The following CCDC158 variants were observed in gnomAD, a reference collection of about 807,000 sequenced individuals.
CCDC158 encodes coiled-coil domain-containing protein 158.
Under a neutral mutation model 138.6 loss-of-function variants are expected in CCDC158, and 116 were observed. The observed-to-expected ratio is 0.84, with a 90% CI of 0.72 to 0.98. The LOEUF (loss-of-function observed/expected upper bound fraction) is 0.98, where lower values mean the gene tolerates loss of function less well. Ranked by LOEUF, CCDC158 falls within the 50% of genes least tolerant of loss-of-function variation. The pLI, the probability that CCDC158 is intolerant of heterozygous loss-of-function variation, is 0.00. For missense variants in CCDC158, 1,265 were observed against 1,306.1 expected (o/e 0.97, Z 0.48); for synonymous variants, 436 against 442.4 (o/e 0.99, Z 0.18).
chr4:76,320,300 A>T (rs367705522), intron 24 of CCDC158, among the ~76,000 whole-genome samples: 4 of 152,346 alleles, frequency 2.6e-5, no homozygotes, highest in African/African-American at 9.6e-5. Flanking sequence ...GACAACACAC[A>T]CAAATGGAAA....
chr4:76,401,650 G>T (rs1200072232), intron 3 of CCDC158: 1 of 164,664 alleles, frequency 6.1e-6, no homozygotes, highest in African/African-American at 2.4e-5. Context: ...TTGAATTTCA[G>T]AAGTCTATCA....
rs374157248 is a variant in CCDC158, at chr4:76,334,085, T to C, written c.2747A>G (p.Asn916Ser). The C allele has an allele frequency of 4.3e-6, 7 of 1,613,998 alleles. No homozygotes were observed. The highest frequency in any genetic ancestry group is 2.2e-5 in the East Asian group (1 of 44,876). The change falls in exon 19 of 25, where the codon AAT becomes AGT. Residue 916 changes from asparagine to serine, a missense_variant. Asn to Ser is a conservative substitution (Grantham distance 46). Transcript: ENST00000682701. ...QLLQELRSVI[N>S]EEPAVSLSKT... Reference sequence around the variant, plus strand: ...GCTCAGAGACACAGCTGGCTCCTCATTGATCACGCTTCTCAACTCTTGGAG... The same window carrying C: ...GCTCAGAGACACAGCTGGCTCCTCACTGATCACGCTTCTCAACTCTTGGAG...
chr4:76,376,772 A>G (rs1008795092), intron 9 of CCDC158, among the ~76,000 whole-genome samples: 4 of 152,176 alleles, frequency 2.6e-5, no homozygotes, highest in Admixed American at 1.3e-4. Context: ...CTGTTAAGAC[A>G]GTCTAGTTAA....
rs1727816489 is a variant in CCDC158, at chr4:76,396,492, T to G, written c.71-6A>C. The G allele has an allele frequency of 6.3e-7, 1 of 1,584,702 alleles. No homozygotes were observed. The highest frequency in any genetic ancestry group is 2.2e-5 in the East Asian group (1 of 44,706). On this transcript the variant is annotated splice_region_variant and splice_polypyrimidine_tract_variant and intron_variant, in intron 3 of 24. Coordinates refer to ENST00000682701, the MANE Select transcript of CCDC158 (RefSeq NM_001394954.1). ...AAAAAATGAACTTGAAGAACCTAAA[T>G]ATTAAAGAATTCATTAATTAACTTT... is the stretch of plus-strand genomic sequence containing the variant.
At chr4:76,383,263 A>C (rs1024215030) in intron 7 of CCDC158, among the ~76,000 whole-genome samples, 1 of 152,160 alleles carries the variant, frequency 6.6e-6, no homozygotes, top group Admixed American at 6.5e-5. Flanking sequence ...TATCTGATCA[A>C]GTTCTTCATC....
intron 9 of CCDC158, among the ~76,000 whole-genome samples, chr4:76,377,221 A>G (rs1725801326): frequency 1.3e-5 from 2 of 152,244 alleles, no homozygotes; most frequent in South Asian, 4.1e-4. Context: ...TAATTTTTCC[A>G]AACAACAGTA....
chr4:76,351,646 T>C, intron 17 of CCDC158, 74 bp downstream of exon 17: 1 of 852,580 alleles, frequency 1.2e-6, no homozygotes, highest in Non-Finnish European at 2.0e-6. Context: ...GTATCTAAGG[T>C]ACACAAGAAA....
intron 4 of CCDC158, among the ~76,000 whole-genome samples, chr4:76,389,696 G>C (rs529983025): frequency 5.3e-5 from 8 of 152,176 alleles, no homozygotes; most frequent in African/African-American, 1.7e-4. Context: ...AAGGATAAAG[G>C]ATCCTGAAAG....
chr4:76,341,816 CT>C (rs1179394826), intron 18 of CCDC158, among the ~76,000 whole-genome samples: 1 of 152,148 alleles, frequency 6.6e-6, no homozygotes, highest in Non-Finnish European at 1.5e-5. Flanking sequence ...TACTTTCTTA[CT>C]TTTAACACAA....
rs1721269168 is a variant in CCDC158, at chr4:76,334,274, G to A, written c.2665-107C>T. 4 of 1,097,828 alleles carry A rather than the reference G, an allele frequency of 3.6e-6. No homozygotes were observed. The Admixed American group carries it at 7.6e-5, about 21-fold the overall frequency. The allele number at this position is 1,097,828 out of a possible 1,614,324, so 68.0% of individuals were successfully genotyped here. ...AACAGAAATTATGGAAAAGCAAGAA[G>A]AGGAAAACAAAAAAATCACCCACAA... On this transcript the variant is annotated intron_variant, in intron 18 of 24. Coordinates refer to ENST00000682701, the MANE Select transcript of CCDC158 (RefSeq NM_001394954.1).
At chr4:76,414,650 G>A (rs565623000) in intron 1 of CCDC158, among the ~76,000 whole-genome samples, 7 of 152,294 alleles carry the variant, frequency 4.6e-5, no homozygotes, top group South Asian at 2.1e-4. Flanking sequence ...CATGGAGGCC[G>A]GTCTTTCCCG....
In CCDC158 at chr4:76,351,048, C is replaced by G; in HGVS notation, c.2612G>C (p.Arg871Pro). The change falls in exon 18 of 25, where the codon CGT (arginine) becomes CCT (proline). Residue 871 changes from arginine (R) to proline (P), a missense_variant. By Grantham distance (103) the Arg-to-Pro change is moderately radical (BLOSUM62 -2). Coordinates refer to ENST00000682701, the MANE Select transcript of CCDC158 (RefSeq NM_001394954.1). ...PRLLQPASVT[R>P]SHSNVPSSQS... ...CGAAGATGGTACATTAGAATGAGAA[C>G]GAGTAACAGATGCTGGCTGGAGAAG... 4 of 1,613,684 alleles carry G rather than the reference C, an allele frequency of 2.5e-6. No individual in the cohort carries two copies. Among genetic ancestry groups the G allele is most frequent in the Non-Finnish European group, 3.4e-6 (4 of 1,179,838 alleles).
chr4:76,325,557 G>T (rs1351707034), intron 23 of CCDC158, among the ~76,000 whole-genome samples: 1 of 152,174 alleles, frequency 6.6e-6, no homozygotes, highest in African/African-American at 2.4e-5. Flanking sequence ...AAGAAAAGTA[G>T]TTCACAGCAT....
In CCDC158 at chr4:76,353,111, G is replaced by T; in HGVS notation, c.2445+12C>A. On this transcript the variant is annotated intron_variant, in intron 16 of 24. Coordinates refer to ENST00000682701, the MANE Select transcript of CCDC158 (RefSeq NM_001394954.1). ...AGTTGATAATTACTTCATATGTTTA[G>T]TTAATAATTACCTTATCCAGAGCCA... is the stretch of plus-strand genomic sequence containing the variant. 6.3e-7 allele frequency: 1 copy of T among 1,596,324 alleles called. No homozygotes were observed. Among genetic ancestry groups the T allele is most frequent in the Non-Finnish European group, 8.5e-7 (1 of 1,169,708 alleles).
intron 2 of CCDC158, among the ~76,000 whole-genome samples, chr4:76,408,717 G>A (rs559232608): frequency 6.6e-6 from 1 of 152,146 alleles, no homozygotes; most frequent in Non-Finnish European, 1.5e-5. Flanking sequence ...TGGGATGGCT[G>A]GGTCAAATGG....
At chr4:76,382,756 G>A in intron 7 of CCDC158, 36 bp from the exon 8 acceptor site, 1 of 1,310,818 alleles carries the variant, frequency 7.6e-7, no homozygotes, top group Non-Finnish European at 1.1e-6. Context: ...ATTTGATACA[G>A]AAGATTTTCC....
chr4:76,390,061 C>A (rs76870181), intron 4 of CCDC158, among the ~76,000 whole-genome samples: 4,481 of 151,984 alleles, frequency 0.029, 219 homozygotes, highest in African/African-American at 0.1. Context: ...GCACACAGAA[C>A]AATATAACAC....
At chr4:76,421,255 G>C (rs995264515), upstream of CCDC158, among the ~76,000 whole-genome samples, 4 of 152,044 alleles carry the variant, frequency 2.6e-5, no homozygotes, top group African/African-American at 9.7e-5. Context: ...GGGGAGGGGA[G>C]GAGGGGGGTG....
chr4:76,401,067 A>G (rs187967894), intron 3 of CCDC158, among the ~76,000 whole-genome samples: 2 of 145,038 alleles, frequency 1.4e-5, no homozygotes, highest in East Asian at 3.9e-4. Context: ...CTACTGAATC[A>G]GAGTCTCAAG....
Sources: allele counts gnomAD v4.1 joint callset (sites outside exome capture counted in the v4.1 genomes callset), GRCh38; gene constraint gnomAD v4.1.1; transcripts MANE v1.5; gene names NCBI Gene and HGNC (gene_info 2026-07-23, HGNC 2026-07-21).